Variants in LOC400499 observed in about 807,000 individuals in gnomAD.
chr16:11,400,791 A>G, the LOC400499 span, among the ~76,000 whole-genome samples: 2 of 152,026 alleles, frequency 1.3e-5, no homozygotes, highest in Non-Finnish European at 2.9e-5. Context: ...TGATTTTTTA[A>G]TTCATTCCTT....
chr16:11,412,496 G>A, the LOC400499 span, among the ~76,000 whole-genome samples: 3 of 152,228 alleles, frequency 2.0e-5, no homozygotes, highest in Admixed American at 2.0e-4. Flanking sequence ...GAGGGCTAGA[G>A]CCTGGCTGGT....
the LOC400499 span, among the ~76,000 whole-genome samples, chr16:11,418,173 G>T: frequency 1.3e-5 from 2 of 152,186 alleles, no homozygotes; most frequent in African/African-American, 4.8e-5. Context: ...GCAAACCACA[G>T]CCTACATCTG....
the LOC400499 span, among the ~76,000 whole-genome samples, chr16:11,394,468 A>C: frequency 5.3e-5 from 8 of 152,250 alleles, no homozygotes; most frequent in African/African-American, 1.9e-4. Flanking sequence ...GTAAAATGAT[A>C]CAGAACAATG....
chr16:11,481,415 T>C, the LOC400499 span, among the ~76,000 whole-genome samples: 1 of 152,022 alleles, frequency 6.6e-6, no homozygotes, highest in African/African-American at 2.4e-5. Context: ...CTCTGCCTCT[T>C]GGGTTAAAGC....
chr16:11,504,089 C>A, the LOC400499 span, among the ~76,000 whole-genome samples: 2 of 152,192 alleles, frequency 1.3e-5, no homozygotes, highest in Non-Finnish European at 2.9e-5. Context: ...AAGCCTCTGG[C>A]CACAAGTGTT....
At chr16:11,401,896 C>T in the LOC400499 span, 3 of 397,638 alleles carry the variant, frequency 7.5e-6, no homozygotes, top group South Asian at 1.4e-4. Flanking sequence ...GTGCCTTTCC[C>T]ACAGTCCCTT....
chr16:11,435,068 C>T, the LOC400499 span, among the ~76,000 whole-genome samples: 1 of 152,226 alleles, frequency 6.6e-6, no homozygotes, highest in Non-Finnish European at 1.5e-5. Flanking sequence ...CAGCCTCCAA[C>T]TCCCAAGCTC....
chr16:11,498,216 C>A, the LOC400499 span, among the ~76,000 whole-genome samples: 1 of 152,352 alleles, frequency 6.6e-6, no homozygotes, highest in East Asian at 1.9e-4. Context: ...CGCAGTGACT[C>A]ATGCCTGTAA....
the LOC400499 span, among the ~76,000 whole-genome samples, chr16:11,441,677 G>A: frequency 2.6e-5 from 4 of 152,178 alleles, no homozygotes; most frequent in Middle Eastern, 3.2e-3. Context: ...CCTATGAGAC[G>A]GAGGCAGGAG....
chr16:11,421,505 G>A, the LOC400499 span, among the ~76,000 whole-genome samples: 2 of 152,000 alleles, frequency 1.3e-5, no homozygotes, highest in Non-Finnish European at 2.9e-5. Context: ...GGGTTCAAAC[G>A]ATTCTCCTGC....
the LOC400499 span, among the ~76,000 whole-genome samples, chr16:11,478,308 G>A: frequency 4.6e-5 from 7 of 150,584 alleles, no homozygotes; most frequent in Admixed American, 1.3e-4. Context: ...GATTACAGGC[G>A]TGAGCCACTT....
the LOC400499 span, among the ~76,000 whole-genome samples, chr16:11,483,244 G>C: frequency 6.6e-6 from 1 of 152,166 alleles, no homozygotes; most frequent in African/African-American, 2.4e-5. Context: ...TTGGGAGAAT[G>C]GTTTAGCAGC....
the LOC400499 span, among the ~76,000 whole-genome samples, chr16:11,485,946 G>A: frequency 6.6e-6 from 1 of 152,206 alleles, no homozygotes; most frequent in Non-Finnish European, 1.5e-5. Context: ...CAGATGGACA[G>A]ATGGGAGGGT....
chr16:11,423,879 G>C, the LOC400499 span, among the ~76,000 whole-genome samples: 1 of 152,216 alleles, frequency 6.6e-6, no homozygotes, highest in Non-Finnish European at 1.5e-5. Context: ...AGCTGGGAGG[G>C]CAGGGTACCC....
the LOC400499 span, chr16:11,456,827 C>G: frequency 4.4e-5 from 67 of 1,535,656 alleles, no homozygotes; most frequent in Middle Eastern, 6.7e-4. Context: ...ACCTGAGCTG[C>G]TAGCCAAGGA....
At chr16:11,380,141 A>T in the LOC400499 span, among the ~76,000 whole-genome samples, 1 of 152,144 alleles carries the variant, frequency 6.6e-6, no homozygotes. Context: ...TTTAACGTAG[A>T]TGTATAGTTA....
the LOC400499 span, among the ~76,000 whole-genome samples, chr16:11,511,332 GT>G: frequency 2.0e-5 from 3 of 152,234 alleles, no homozygotes; most frequent in African/African-American, 7.2e-5. Context: ...AACCTATGGG[GT>G]AAGGGGTGAC....
the LOC400499 span, among the ~76,000 whole-genome samples, chr16:11,507,391 GC>G: frequency 2.0e-5 from 3 of 152,128 alleles, no homozygotes; most frequent in African/African-American, 4.8e-5. Context: ...GAATGACCCA[GC>G]CCTCGGTGTC....
At chr16:11,504,533 G>C in the LOC400499 span, among the ~76,000 whole-genome samples, 1 of 151,858 alleles carries the variant, frequency 6.6e-6, no homozygotes, top group African/African-American at 2.4e-5. Context: ...TCCAGCCTGA[G>C]CAACAGAGCG....
Sources: gnomAD v4.1 joint callset for allele counts (sites outside exome capture counted in the v4.1 genomes callset) on GRCh38, gnomAD v4.1.1 for gene constraint, MANE v1.5 for transcripts.